The following RP1 variants were observed in gnomAD, a reference collection of about 807,000 sequenced individuals.
RP1 encodes the protein oxygen-regulated protein 1.
In RP1, 16 loss-of-function variants were observed where a neutral mutation model predicts 14.8. The ratio of observed to expected loss-of-function variants is 1.08; its 90% CI spans 0.73 to 1.65. RP1 has a LOEUF of 1.65. RP1 is among the 40% of genes most tolerant of loss of function. The pLI is 0.00. For missense variants in RP1, 2,631 were observed against 2,535.0 expected (o/e 1.04, Z -0.81); for synonymous variants, 876 against 883.6 (o/e 0.99, Z 0.15).
At chr8:54,616,770 G>C (rs1437736060) in intron 1 of RP1, among the ~76,000 whole-genome samples, 1 of 152,310 alleles carries the variant, frequency 6.6e-6, no homozygotes, top group African/African-American at 2.4e-5. Context: ...CTATGTGGTA[G>C]AAAATTAAAC....
chr8:54,701,135 G>A (rs897449195), intron 13 of RP1, among the ~76,000 whole-genome samples: 3 of 151,996 alleles, frequency 2.0e-5, no homozygotes, highest in Non-Finnish European at 2.9e-5. Flanking sequence ...AATTTCTATC[G>A]ATTTCAGTTT....
chr8:54,674,084 A>G (rs1285115107), intron 8 of RP1, among the ~76,000 whole-genome samples: 1 of 152,302 alleles, frequency 6.6e-6, no homozygotes, highest in East Asian at 1.9e-4. Flanking sequence ...AATACCCTTT[A>G]AAATTTAACT....
At chr8:54,848,181 C>A (rs2129406968) in intron 25 of RP1, among the ~76,000 whole-genome samples, 1 of 152,306 alleles carries the variant, frequency 6.6e-6, no homozygotes, top group East Asian at 1.9e-4. Flanking sequence ...TGGCAGTCAT[C>A]TCGGGCAGCA....
downstream of RP1, among the ~76,000 whole-genome samples, chr8:54,634,864 G>A (rs776655665): frequency 6.6e-6 from 1 of 152,076 alleles, no homozygotes; most frequent in Admixed American, 6.5e-5. Flanking sequence ...GGCGGATCAC[G>A]AGGTCAAGAG....
chr8:54,637,617 G>C (rs905672477), intron 3 of RP1, among the ~76,000 whole-genome samples: 3 of 151,776 alleles, frequency 2.0e-5, no homozygotes, highest in African/African-American at 7.3e-5. Context: ...GAGACATACT[G>C]CTTTTTTTTT....
chr8:54,717,816 T>C (rs746990414), intron 15 of RP1, among the ~76,000 whole-genome samples: 3 of 152,118 alleles, frequency 2.0e-5, no homozygotes, highest in Admixed American at 6.5e-5. Flanking sequence ...GGCTCACAGA[T>C]GATATTAGTC....
chr8:54,585,221 G>T (rs1301121300), intron 1 of RP1, among the ~76,000 whole-genome samples: 1 of 152,186 alleles, frequency 6.6e-6, no homozygotes, highest in Non-Finnish European at 1.5e-5. Context: ...GCATTTGCTT[G>T]TCTGTAAAGT....
intron 4 of RP1, among the ~76,000 whole-genome samples, chr8:54,652,046 C>T (rs1027803088): frequency 1.1e-4 from 16 of 148,694 alleles, no homozygotes; most frequent in African/African-American, 3.7e-4. Flanking sequence ...CTATCTCTCT[C>T]GCACAGGCTG....
chr8:54,699,652 T>G, intron 13 of RP1: 1 of 628,400 alleles, frequency 1.6e-6, no homozygotes, highest in Non-Finnish European at 2.3e-6. Flanking sequence ...TTTATAAGAT[T>G]ACCATTTCCT....
At chr8:54,597,036 A>G (rs1322019316) in intron 1 of RP1, among the ~76,000 whole-genome samples, 1 of 152,298 alleles carries the variant, frequency 6.6e-6, no homozygotes, top group Non-Finnish European at 1.5e-5. Context: ...AGTTCTGATT[A>G]TGTCATTTCC....
chr8:54,786,538 G>T (rs1810322704), intron 24 of RP1, among the ~76,000 whole-genome samples: 1 of 151,938 alleles, frequency 6.6e-6, no homozygotes, highest in Non-Finnish European at 1.5e-5. Context: ...GTAGAGAGCA[G>T]ATCAAAGTAC....
chr8:54,721,853 C>A (rs1195225719), intron 16 of RP1, among the ~76,000 whole-genome samples: 1 of 152,172 alleles, frequency 6.6e-6, no homozygotes, highest in African/African-American at 2.4e-5. Flanking sequence ...CAAAATAATA[C>A]TTTCCAGTTT....
chr8:54,856,771 A>C (rs1159922647), intron 26 of RP1, among the ~76,000 whole-genome samples: 1 of 152,192 alleles, frequency 6.6e-6, no homozygotes, highest in Non-Finnish European at 1.5e-5. Flanking sequence ...GTAGATTTAA[A>C]ATAAATCTCC....
At chr8:54,607,386 C>T (rs2129308121) in intron 1 of RP1, among the ~76,000 whole-genome samples, 1 of 152,256 alleles carries the variant, frequency 6.6e-6, no homozygotes, top group Admixed American at 6.5e-5. Context: ...AATGTTACTG[C>T]CTGATTGTTC....
At chr8:54,590,467 C>T (rs948128878) in intron 1 of RP1, among the ~76,000 whole-genome samples, 11 of 152,164 alleles carry the variant, frequency 7.2e-5, no homozygotes, top group Admixed American at 6.5e-4. Context: ...CTCACCCAGC[C>T]TAACCGCCAC....
chr8:54,804,144 G>T (rs551918707), intron 24 of RP1, among the ~76,000 whole-genome samples: 35 of 16,642 alleles, frequency 2.1e-3, no homozygotes, highest in Admixed American at 9.7e-3. Flanking sequence ...TTACATATGT[G>T]GGGGGGGGCT....
At chr8:54,825,419 T>C (rs890112002) in intron 24 of RP1, among the ~76,000 whole-genome samples, 1 of 152,214 alleles carries the variant, frequency 6.6e-6, no homozygotes, top group Non-Finnish European at 1.5e-5. Flanking sequence ...CGTATTATTG[T>C]GTCTTTAGAC....
chr8:54,861,687 C>T (rs1230378191), intron 27 of RP1, among the ~76,000 whole-genome samples: 1 of 152,084 alleles, frequency 6.6e-6, no homozygotes, highest in Non-Finnish European at 1.5e-5. Context: ...ACTGCAACCT[C>T]CATCTCCTGG....
chr8:54,636,153 T>A (rs1312295550), intron 3 of RP1, among the ~76,000 whole-genome samples: 1 of 152,202 alleles, frequency 6.6e-6, no homozygotes, highest in Non-Finnish European at 1.5e-5. Context: ...TTCTTTTTGG[T>A]CAGAGCTATC....
Sources: gnomAD v4.1 joint callset for allele counts (sites outside exome capture counted in the v4.1 genomes callset) on GRCh38, gnomAD v4.1.1 for gene constraint, MANE v1.5 for transcripts, NCBI Gene and HGNC (gene_info 2026-07-23, HGNC 2026-07-21) for gene names.